Variants in PIGT observed in about 807,000 individuals in gnomAD.
PIGT encodes the protein GPI-anchor transamidase component PIGT.
In PIGT, 57 loss-of-function variants were observed where a neutral mutation model predicts 66.7. That is an observed-to-expected ratio of 0.86 (90% CI 0.69 to 1.07). The LOEUF (loss-of-function observed/expected upper bound fraction) is 1.07, where lower values mean the gene tolerates loss of function less well. PIGT is among the 50% of genes least tolerant of loss of function. The pLI is 0.00. For synonymous variants in PIGT, 362 were observed against 320.5 expected, an observed-to-expected ratio of 1.13 and a Z score of -1.38; for missense variants, 725 against 740.4, an observed-to-expected ratio of 0.98 and a Z score of 0.24.
chr20:45,424,654 G>A (rs1990598884), intron 11 of PIGT, 75 bp downstream of exon 11: 1 of 1,116,118 alleles, frequency 9.0e-7, no homozygotes, highest in Non-Finnish European at 1.4e-6. Context: ...CCAGGCTCCT[G>A]CAGGGGAGTT....
At chr20:45,419,694 T>C (rs1011732930) in intron 5 of PIGT, 104 bp downstream of exon 5, 2 of 826,098 alleles carry the variant, frequency 2.4e-6, no homozygotes, top group Non-Finnish European at 4.2e-6. Flanking sequence ...TACTGAGTGG[T>C]AGATGTGATG....
At position 45,426,103 on chromosome 20, in the gene PIGT, A is replaced by G. The variant is rs1041664947; in HGVS notation, c.*277A>G. ...GTGGTCGGTGGCTGCTGTATTGGAC[A>G]GCACAGAAAAAGATTTCCATCACCA... On this transcript the variant is annotated 3_prime_UTR_variant, in exon 12 of 12. Transcript: ENST00000279036. 1.6e-5 allele frequency: 8 copies of G among 504,568 alleles called. No homozygotes were observed. In the Admixed American group the frequency reaches 2.1e-4, roughly 14 times the overall value. The allele number at this position is 504,568 out of a possible 1,614,324, so 31.3% of individuals were successfully genotyped here. A position where few individuals can be genotyped will look rare whatever the true frequency, so the allele number is the denominator to read the frequency against.
chr20:45,421,763 G>A (rs1045310896), intron 9 of PIGT, 180 bp downstream of exon 9: 11 of 606,510 alleles, frequency 1.8e-5, no homozygotes, highest in South Asian at 8.0e-5. Flanking sequence ...AGGTTCAGAA[G>A]TAATTTATAA....
rs773624614 is a variant in PIGT, at chr20:45,420,609, A to G, written c.949A>G (p.Ile317Val). The G allele has an allele frequency of 2.5e-5, 40 of 1,613,752 alleles. No homozygotes were observed. In the Admixed American group the frequency reaches 3.0e-4, roughly 12 times the overall value. Residue 317 changes from isoleucine to valine, a missense_variant, in exon 8 of 12, where the codon ATC becomes GTC. Ile to Val is a conservative substitution (Grantham distance 29). Transcript: ENST00000279036. The stretch of plus-strand genomic sequence containing the variant: ...CCTAGGCACTCGGAAGACCTATGCC[A>G]TCTATGACTTGCTTGACACCGCCAT... ...VILGTRKTYA[I>V]YDLLDTAMIN... is the part of the protein sequence containing the mutation.
chr20:45,416,556 T>G lies in PIGT; in HGVS notation c.227T>G (p.Leu76Arg), dbSNP rs751648642. 2 of 1,614,076 alleles carry G rather than the reference T, an allele frequency of 1.2e-6. No homozygotes were observed. Among genetic ancestry groups the G allele is most frequent in the Non-Finnish European group, 1.7e-6 (2 of 1,180,026 alleles). ...CTCTTTCCCAAAGCCCTGGGGCAGCTGATCTCCAAGTATTCTCTACGGGAG... is the reference window on the plus strand; with the variant it reads ...CTCTTTCCCAAAGCCCTGGGGCAGCGGATCTCCAAGTATTCTCTACGGGAG... ...YRLFPKALGQ[L>R]ISKYSLRELH... Residue 76 changes from leucine to arginine, a missense_variant, in exon 2 of 12, where the codon CTG (leucine) becomes CGG (arginine). Transcript: ENST00000279036.
chr20:45,424,465 G>A, intron 10 of PIGT, 31 bp from the exon 11 acceptor site: 1 of 1,612,860 alleles, frequency 6.2e-7, no homozygotes, highest in Non-Finnish European at 8.5e-7. Flanking sequence ...AGCCAGATGG[G>A]AACACGGGCC....
At chr20:45,421,778 G>A in intron 9 of PIGT, 195 bp downstream of exon 9, 1 of 596,736 alleles carries the variant, frequency 1.7e-6, no homozygotes. Flanking sequence ...TTATAAAACA[G>A]CAATAATTAA....
intron 2 of PIGT, chr20:45,416,937 A>G (rs1990018608): frequency 2.7e-6 from 1 of 373,780 alleles, no homozygotes; most frequent in Non-Finnish European, 4.8e-6. Context: ...ATTAATGCTT[A>G]TTTGGAGGTA....
chr20:45,416,564 A>G lies in PIGT; in HGVS notation c.235A>G (p.Lys79Glu). The change falls in exon 2 of 12, where the codon AAG (lysine) becomes GAG (glutamate). Residue 79 changes from lysine to glutamate, a missense_variant. Around this residue, in one of 3 missense-constraint regions of PIGT, gnomAD observed 559 missense variants for 552.7 expected, o/e 1.01. Coordinates refer to ENST00000279036, the MANE Select transcript of PIGT (RefSeq NM_015937.6). ...FPKALGQLIS[K>E]YSLRELHLSF... ...CAAAGCCCTGGGGCAGCTGATCTCC[A>G]AGTATTCTCTACGGGAGCTGCACCT... 6.2e-7 allele frequency: 1 copy of G among 1,614,144 alleles called. No homozygotes were observed. The highest frequency in any genetic ancestry group is 8.5e-7 in the Non-Finnish European group (1 of 1,180,020).
intron 2 of PIGT, chr20:45,416,903 C>T (rs1990016034): frequency 4.4e-6 from 2 of 449,458 alleles, no homozygotes; most frequent in Non-Finnish European, 7.8e-6. Context: ...ACATGCATAT[C>T]CCTGGAGAGG....
intron 11 of PIGT, chr20:45,425,137 CTTTCTCTTTCTTTCTT>C (rs200109789): frequency 0.085 from 11,432 of 134,174 alleles, 572 homozygotes; most frequent in Non-Finnish European, 0.11. Context: ...CTCTTTCTTT[CTTTCTCTTTCTTTCTT>C]TCTTTCTTTC....
chr20:45,419,591 G>A lies in PIGT; in HGVS notation c.681+1G>A, dbSNP rs1990219838. On this transcript the variant is annotated splice_donor_variant, in intron 5 of 11. Coordinates refer to ENST00000279036, the MANE Select transcript of PIGT (RefSeq NM_015937.6). LOFTEE classifies it high-confidence loss of function. ...AGTGCATATCCGCCCTGTTTGCAGA[G>A]TAAGTCATGGGGAGTAGAGGAAGCT... 6.2e-7 allele frequency: 1 copy of A among 1,606,564 alleles called. No homozygotes were observed. Among genetic ancestry groups the A allele is most frequent in the Non-Finnish European group, 8.5e-7 (1 of 1,173,048 alleles).
intron 9 of PIGT, chr20:45,422,257 T>C (rs1289553352): frequency 2.0e-5 from 3 of 152,146 alleles, no homozygotes; most frequent in Admixed American, 6.5e-5. Context: ...TTTTCAAACA[T>C]ACGGTGAATA....
chr20:45,419,062 TC>T (rs753992196), intron 3 of PIGT, 83 bp downstream of exon 3: 39 of 1,563,984 alleles, frequency 2.5e-5, no homozygotes, highest in Non-Finnish European at 2.8e-5. Context: ...GTTTCCTGCT[TC>T]CTCAGCCTGG....
chr20:45,418,734 C>G (rs1046250548), intron 2 of PIGT, 118 bp from the exon 3 acceptor site: 35 of 1,282,752 alleles, frequency 2.7e-5, no homozygotes, highest in Non-Finnish European at 3.8e-5. Flanking sequence ...TCAACTGGCC[C>G]GTCTAATAGT....
intron 5 of PIGT, 111 bp from the exon 6 acceptor site, chr20:45,420,025 G>C (rs1177608797): frequency 1.3e-6 from 1 of 770,300 alleles, no homozygotes; most frequent in African/African-American, 1.7e-5. Context: ...GTAGCAAATC[G>C]ATGGATGTGA....
rs779442458 is a variant in PIGT, at chr20:45,421,476, A to C, written c.1127A>C (p.His376Pro). ...CTGAGCACACTGCTGTACAACACCC[A>C]CCCATACCGGGCCTTCCCGGTGCTG... ...GELSTLLYNT[H>P]PYRAFPVLLL... The change falls in exon 9 of 12, where the codon CAC (histidine) becomes CCC (proline). Residue 376 changes from histidine to proline, a missense_variant. Physicochemically the swap from His to Pro is moderately conservative, Grantham distance 77. Coordinates refer to ENST00000279036, the MANE Select transcript of PIGT (RefSeq NM_015937.6). 34 of 1,613,892 alleles carry C rather than the reference A, an allele frequency of 2.1e-5. No homozygotes were observed. The African/African-American group carries it at 3.6e-4, about 17-fold the overall frequency.
Position 45,418,992 on chromosome 20 carries a change from C to T in PIGT, c.493+13C>T. On this transcript the variant is annotated intron_variant, in intron 3 of 11. Transcript: ENST00000279036. The stretch of plus-strand genomic sequence containing the variant: ...GGTCTGGCCAATGGTGAGATAACCC[C>T]TACAGCCCTTTCCTTCTTCCTCTTA... 1 of 1,614,050 alleles carries T rather than the reference C, an allele frequency of 6.2e-7. No individual in the cohort carries two copies. The highest frequency in any genetic ancestry group is 1.3e-5 in the African/African-American group (1 of 75,040).
rs751648642 is a variant in PIGT, at chr20:45,416,556, T to A, written c.227T>A (p.Leu76Gln). 1 of 1,614,194 alleles carries A rather than the reference T, an allele frequency of 6.2e-7. No individual in the cohort carries two copies. Residue 76 changes from leucine (L) to glutamine (Q), a missense_variant, in exon 2 of 12, where the codon CTG becomes CAG. Transcript: ENST00000279036. ...YRLFPKALGQ[L>Q]ISKYSLRELH... ...CTCTTTCCCAAAGCCCTGGGGCAGC[T>A]GATCTCCAAGTATTCTCTACGGGAG...
Sources: allele counts gnomAD v4.1 joint callset, GRCh38; gene constraint gnomAD v4.1.1; regional missense constraint gnomAD v4.1.1; transcripts MANE v1.5; gene names NCBI Gene and HGNC (gene_info 2026-07-23, HGNC 2026-07-21).